DHX33: variants seen among roughly 807,000 people sequenced by gnomAD.
DHX33 encodes DEAH-box helicase 33.
Under a neutral mutation model 72.5 loss-of-function variants are expected in DHX33, and 42 were observed. The observed-to-expected ratio is 0.58, with a 90% CI of 0.45 to 0.75. DHX33 has a LOEUF of 0.75. DHX33 is among the 30% of genes least tolerant of loss of function. The pLI is 0.00. For synonymous variants in DHX33, 358 were observed against 366.1 expected (o/e 0.98, Z 0.25); for missense variants, 842 against 917.5 (o/e 0.92, Z 1.06).
chr17:5,444,059 AG>A lies in DHX33; in HGVS notation c.*145del. Reference sequence around the variant, plus strand: ...CTATATGGTTCAGTCCCAGGAGTTGAGCAAAGATGCTTTCACGCTCCTGGAA... The same window carrying A: ...CTATATGGTTCAGTCCCAGGAGTTGACAAAGATGCTTTCACGCTCCTGGAA... On this transcript the variant is annotated 3_prime_UTR_variant, in exon 12 of 12. Transcript: ENST00000225296. This position sits in a 1 kb window ranked among gnomAD's most constrained non-coding sequence, Gnocchi z 4.9. 2.3e-6 allele frequency: 2 copies of A among 881,990 alleles called. No individual in the cohort carries two copies. The highest frequency in any genetic ancestry group is 3.4e-6 in the Non-Finnish European group (2 of 588,630). The allele number at this position is 881,990 out of a possible 1,614,324, so 54.6% of individuals were successfully genotyped here.
At chr17:5,455,137 A>C in intron 6 of DHX33, 23 bp downstream of exon 6, 1 of 1,579,284 alleles carries the variant, frequency 6.3e-7, no homozygotes, top group Non-Finnish European at 8.7e-7. Context: ...CAGGAGAGAC[A>C]TTCATGAACT....
At chr17:5,452,211 A>G (rs1037675434) in intron 8 of DHX33, among the ~76,000 whole-genome samples, 1 of 152,168 alleles carries the variant, frequency 6.6e-6, no homozygotes, top group Non-Finnish European at 1.5e-5. Flanking sequence ...TCAAGCACAG[A>G]ACAATACTCA....
Position 5,444,031 on chromosome 17 carries a change from T to A in DHX33, c.*174A>T. ...TTTCCAGGTACAAATGATATGTCCATGTCTATATGGTTCAGTCCCAGGAGT... is the reference window on the plus strand; with the variant it reads ...TTTCCAGGTACAAATGATATGTCCAAGTCTATATGGTTCAGTCCCAGGAGT... On this transcript the variant is annotated 3_prime_UTR_variant, in exon 12 of 12. Transcript: ENST00000225296. The surrounding 1 kb of genome is among the most constrained non-coding windows in gnomAD (Gnocchi z 4.9). 1 of 697,034 alleles carries A rather than the reference T, an allele frequency of 1.4e-6. No homozygotes were observed. Among genetic ancestry groups the A allele is most frequent in the East Asian group, 2.7e-5 (1 of 36,482 alleles). 43.2% of individuals were successfully genotyped at this position (697,034 alleles called of 1,614,324 possible).
At position 5,450,126 on chromosome 17, in the gene DHX33, G is replaced by A. The variant is rs141162259; in HGVS notation, c.1728+77C>T. The A allele has an allele frequency of 1.4e-5, 21 of 1,543,082 alleles. No individual in the cohort carries two copies. The African/African-American group carries it at 1.7e-4, about 12-fold the overall frequency. Reference sequence around the variant, plus strand: ...AAAAGGGAAAGCGTACTTTTTGCACGGCTTCAGTAGAAAAAGGGAAGCACA... The same window carrying A: ...AAAAGGGAAAGCGTACTTTTTGCACAGCTTCAGTAGAAAAAGGGAAGCACA... On this transcript the variant is annotated intron_variant, in intron 10 of 11. Coordinates refer to ENST00000225296, the MANE Select transcript of DHX33 (RefSeq NM_020162.4).
At chr17:5,462,234 C>T in intron 3 of DHX33, 85 bp downstream of exon 3, 2 of 1,343,640 alleles carry the variant, frequency 1.5e-6, no homozygotes, top group Non-Finnish European at 1.0e-6. Context: ...GCCACCGCGC[C>T]CAGCCAGGCC....
intron 9 of DHX33, 91 bp from the exon 10 acceptor site, chr17:5,450,497 C>G: frequency 7.2e-7 from 1 of 1,385,678 alleles, no homozygotes; most frequent in South Asian, 1.2e-5. Flanking sequence ...AGTTTCCCTT[C>G]TAAGGAGTTA....
intron 11 of DHX33, among the ~76,000 whole-genome samples, chr17:5,447,129 T>C (rs765685339): frequency 6.6e-6 from 1 of 152,198 alleles, no homozygotes; most frequent in Non-Finnish European, 1.5e-5. Context: ...ACCCTCTATC[T>C]CTGACATAAA....
intron 7 of DHX33, 49 bp from the exon 8 acceptor site, chr17:5,453,717 A>G: frequency 6.2e-7 from 1 of 1,611,938 alleles, no homozygotes; most frequent in South Asian, 1.1e-5. Flanking sequence ...TCTGCCATTG[A>G]GTCAGAACCC....
intron 11 of DHX33, among the ~76,000 whole-genome samples, chr17:5,446,187 C>T (rs1023365014): frequency 6.6e-6 from 1 of 152,192 alleles, no homozygotes; most frequent in Non-Finnish European, 1.5e-5. Context: ...GTTGGTCAGG[C>T]TGATTTCGAA....
chr17:5,461,916 T>G (rs571246817), intron 3 of DHX33, among the ~76,000 whole-genome samples: 1 of 150,264 alleles, frequency 6.7e-6, no homozygotes, highest in African/African-American at 2.5e-5. Flanking sequence ...TATAAAGTTA[T>G]GCTATTTAAT....
Position 5,444,150 on chromosome 17 carries a change from C to T in DHX33, c.*55G>A. The T allele has an allele frequency of 6.4e-7, 1 of 1,565,028 alleles. No individual in the cohort carries two copies. The highest frequency in any genetic ancestry group is 8.7e-7 in the Non-Finnish European group (1 of 1,152,820). ...CCAACCTGGAAGCCTGCTGTAAGGACAACTGTAGTCCAAGCTCCCAGGGAC... is the reference window on the plus strand; with the variant it reads ...CCAACCTGGAAGCCTGCTGTAAGGATAACTGTAGTCCAAGCTCCCAGGGAC... On this transcript the variant is annotated 3_prime_UTR_variant, in exon 12 of 12. Coordinates refer to ENST00000225296, the MANE Select transcript of DHX33 (RefSeq NM_020162.4). This position sits in a 1 kb window ranked among gnomAD's most constrained non-coding sequence, Gnocchi z 4.9.
chr17:5,465,109 G>A (rs1904817735), intron 1 of DHX33, among the ~76,000 whole-genome samples: 1 of 152,228 alleles, frequency 6.6e-6, no homozygotes, highest in African/African-American at 2.4e-5. Flanking sequence ...TAAGCACGCA[G>A]TAAATGTTAC....
At chr17:5,451,834 A>G (rs1301052682) in intron 8 of DHX33, among the ~76,000 whole-genome samples, 2 of 152,204 alleles carry the variant, frequency 1.3e-5, no homozygotes, top group African/African-American at 4.8e-5. Context: ...AAGGATGGAT[A>G]AATGCATTTT....
rs948386786 is a variant in DHX33 at position 5,451,026 on chromosome 17, C to T, written c.1397-92G>A. The T allele has an allele frequency of 2.3e-5, 34 of 1,457,880 alleles. 2 individuals carry two copies. Among genetic ancestry groups the T allele is most frequent in the South Asian group, 2.2e-4 (17 of 77,824 alleles). 90.3% of individuals were successfully genotyped at this position (1,457,880 alleles called of 1,614,324 possible). ...TTTCTGGGAGCTTCTGATAATTCTA[C>T]ATCAAACAACAGCAAAAATCATAAC... On this transcript the variant is annotated intron_variant, in intron 8 of 11. Coordinates refer to ENST00000225296, the MANE Select transcript of DHX33 (RefSeq NM_020162.4).
intron 1 of DHX33, among the ~76,000 whole-genome samples, chr17:5,464,926 G>A (rs1904806561): frequency 6.6e-6 from 1 of 152,180 alleles, no homozygotes; most frequent in African/African-American, 2.4e-5. Flanking sequence ...TGGCTGCACA[G>A]TGGCCCTCCT....
At chr17:5,459,327 A>C (rs1391460897) in intron 4 of DHX33, among the ~76,000 whole-genome samples, 1 of 152,208 alleles carries the variant, frequency 6.6e-6, no homozygotes, top group African/African-American at 2.4e-5. Flanking sequence ...AATGATTCAA[A>C]TTTTTGAAGT....
chr17:5,463,833 C>T (rs1474377734), intron 1 of DHX33, 144 bp from the exon 2 acceptor site: 37 of 701,386 alleles, frequency 5.3e-5, no homozygotes, highest in Non-Finnish European at 6.5e-5. Flanking sequence ...TCAGCCTGGG[C>T]AACATAGCAA....
chr17:5,444,192 A>G lies in DHX33; in HGVS notation c.*13T>C, dbSNP rs754832211. On this transcript the variant is annotated 3_prime_UTR_variant, in exon 12 of 12. Coordinates refer to ENST00000225296, the MANE Select transcript of DHX33 (RefSeq NM_020162.4). This position sits in a 1 kb window ranked among gnomAD's most constrained non-coding sequence, Gnocchi z 4.9. ...CCCAGGGACCAGTGATTCTGGCGGC[A>G]TCCTGGGGCGGCTCAGTTTCTGGCG... The G allele has an allele frequency of 3.1e-6, 5 of 1,607,624 alleles. No homozygotes were observed. In the African/African-American group the frequency reaches 6.7e-5, roughly 21 times the overall value.
At chr17:5,462,265 G>C (rs1044400029) in intron 3 of DHX33, 54 bp downstream of exon 3, 2 of 1,530,820 alleles carry the variant, frequency 1.3e-6, no homozygotes, top group Non-Finnish European at 1.8e-6. Flanking sequence ...TGTGTGTTAC[G>C]CATACTTTCA....
Sources: allele counts gnomAD v4.1 joint callset (sites outside exome capture counted in the v4.1 genomes callset), GRCh38; gene constraint gnomAD v4.1.1; non-coding constraint Gnocchi (gnomAD v3.1); transcripts MANE v1.5; gene names NCBI Gene and HGNC (gene_info 2026-07-23, HGNC 2026-07-21).